The following TACC2 variants were observed in gnomAD, a reference collection of about 807,000 sequenced individuals.
TACC2 encodes transforming acidic coiled-coil containing protein 2, also known as transforming acidic coiled-coil-containing protein 2.
A neutral mutation model predicts 227.3 loss-of-function variants in TACC2; 137 were observed. That is an observed-to-expected ratio of 0.60 (90% CI 0.52 to 0.69). The LOEUF (loss-of-function observed/expected upper bound fraction) is 0.69, where lower values mean the gene tolerates loss of function less well. TACC2 is among the 30% of genes least tolerant of loss of function. TACC2 has a pLI of 0.00. For synonymous variants in TACC2, 1,523 were observed against 1,487.5 expected (o/e 1.02, Z -0.55); for missense variants, 3,470 against 3,694.4 (o/e 0.94, Z 1.57).
At chr10:122,009,437 G>A (rs1955652099) in intron 1 of TACC2, among the ~76,000 whole-genome samples, 1 of 152,152 alleles carries the variant, frequency 6.6e-6, no homozygotes, top group Non-Finnish European at 1.5e-5. Flanking sequence ...CTGGGAGGCA[G>A]AGGTTGCAGT....
Position 122,141,824 on chromosome 10 carries a change from G to C in TACC2, c.5700-1748G>C, listed in dbSNP as rs2090604280. Among the ~76,000 whole-genome samples the C allele has an allele frequency of 6.6e-6, 1 of 152,096 alleles. No homozygotes were observed. Among genetic ancestry groups the C allele is most frequent in the Non-Finnish European group, 1.5e-5 (1 of 68,026 alleles). Reference sequence around the variant, plus strand: ...AGTAAAATCTTGGTGGGATGTGTGTGGTGGAGGGGGGAGCACAGCAGTGTA... The same window carrying C: ...AGTAAAATCTTGGTGGGATGTGTGTCGTGGAGGGGGGAGCACAGCAGTGTA... On this transcript the variant is annotated intron_variant, in intron 6 of 22. Coordinates refer to ENST00000369005, the MANE Select transcript of TACC2 (RefSeq NM_206862.4). This position sits in a 1 kb window ranked among gnomAD's most constrained non-coding sequence, Gnocchi z 4.3.
intron 13 of TACC2, 28 bp from the exon 14 acceptor site, chr10:122,227,809 A>G (rs2095658120): frequency 2.5e-6 from 4 of 1,594,002 alleles, no homozygotes; most frequent in Non-Finnish European, 3.4e-6. Flanking sequence ...TGAGAAGACT[A>G]AAGAAAGATG....
At chr10:122,036,436 G>A (rs571176487) in intron 2 of TACC2, among the ~76,000 whole-genome samples, 14 of 150,252 alleles carry the variant, frequency 9.3e-5, no homozygotes, top group South Asian at 8.4e-4. Flanking sequence ...CTCGTGATCC[G>A]CCCACCTTGG....
intron 6 of TACC2, among the ~76,000 whole-genome samples, chr10:122,133,067 C>T (rs1311709673): frequency 2.0e-5 from 3 of 152,162 alleles, no homozygotes; most frequent in African/African-American, 4.8e-5. Context: ...GTAGAGAGAA[C>T]GTGCTACTTC....
chr10:122,028,556 A>G (rs568109113), intron 2 of TACC2, among the ~76,000 whole-genome samples: 6 of 152,218 alleles, frequency 3.9e-5, no homozygotes, highest in Non-Finnish European at 1.5e-5. Context: ...TGATTTTTGC[A>G]TGCTGATTTT....
intron 7 of TACC2, among the ~76,000 whole-genome samples, chr10:122,183,570 A>AGGGC (rs2140317505): frequency 6.6e-6 from 1 of 152,216 alleles, no homozygotes; most frequent in East Asian, 1.9e-4. Context: ...TATGAGCGAA[A>AGGGC]GGGCCAAAAG....
In TACC2 at chr10:122,250,911, C is replaced by CT. The variant is rs56383359; in HGVS notation, c.8781+1273dup. ...CATATTACAGATCATTATTTTCATT[C>CT]TTTTTTTTTTTTTTTTTTTTTTTTT... is the stretch of plus-strand genomic sequence containing the variant. On this transcript the variant is annotated intron_variant, in intron 22 of 22. Coordinates refer to ENST00000369005, the MANE Select transcript of TACC2 (RefSeq NM_206862.4). Among the ~76,000 whole-genome samples, 287 of 47,504 alleles carry CT rather than the reference C, an allele frequency of 6.0e-3. 24 individuals carry two copies. Among genetic ancestry groups the CT allele is most frequent in the African/African-American group, 0.02 (250 of 12,756 alleles). The allele number at this position is 47,504 out of a possible 152,430, so 31.2% of individuals were successfully genotyped here.
intron 2 of TACC2, among the ~76,000 whole-genome samples, chr10:122,025,264 A>T (rs952688045): frequency 1.3e-5 from 2 of 152,012 alleles, no homozygotes; most frequent in Non-Finnish European, 2.9e-5. Flanking sequence ...ATTATTATTC[A>T]TATATATATT....
At chr10:122,130,802 G>A (rs1352965273) in intron 5 of TACC2, among the ~76,000 whole-genome samples, 1 of 152,152 alleles carries the variant, frequency 6.6e-6, no homozygotes, top group East Asian at 1.9e-4. Context: ...ATCAAATACA[G>A]TGCCATCTAT....
intron 7 of TACC2, among the ~76,000 whole-genome samples, chr10:122,170,476 AT>A (rs2093416294): frequency 6.6e-6 from 1 of 151,074 alleles, no homozygotes; most frequent in Admixed American, 6.6e-5. Context: ...TTAATTTTGT[AT>A]TTTCAGTAGA....
chr10:122,216,818 A>G lies in TACC2; in HGVS notation c.7536A>G (p.Ser2512=). 1 of 1,614,014 alleles carries G rather than the reference A, an allele frequency of 6.2e-7. No individual in the cohort carries two copies. Among genetic ancestry groups the G allele is most frequent in the Non-Finnish European group, 8.5e-7 (1 of 1,179,992 alleles). ...STFVNETKFS[S]PTEELDYRNS... is the part of the protein sequence containing the mutation. ...TTGTAAACGAGACCAAATTCAGTTCACCCACTGAGGGTAAGCAACTCTGTA... is the reference window on the plus strand; with the variant it reads ...TTGTAAACGAGACCAAATTCAGTTCGCCCACTGAGGGTAAGCAACTCTGTA... Residue 2512 remains serine (S), a synonymous_variant, in exon 11 of 23, where the codon TCA becomes TCG. Coordinates refer to ENST00000369005, the MANE Select transcript of TACC2 (RefSeq NM_206862.4).
At position 122,086,755 on chromosome 10, in the gene TACC2, C is replaced by T; in HGVS notation, c.4255C>T (p.Pro1419Ser). 1 of 1,613,976 alleles carries T rather than the reference C, an allele frequency of 6.2e-7. No homozygotes were observed. The highest frequency in any genetic ancestry group is 8.5e-7 in the Non-Finnish European group (1 of 1,179,974). Residue 1419 changes from proline to serine, a missense_variant, in exon 4 of 23, where the codon CCT (proline) becomes TCT (serine). Physicochemically the swap from Pro to Ser is moderately conservative, Grantham distance 74. Transcript: ENST00000369005. ...GCACATCGCCAAGATCTTCGAGAAGCCTGTGCTCGGAGCCCTGGCCACACC... is the reference window on the plus strand; with the variant it reads ...GCACATCGCCAAGATCTTCGAGAAGTCTGTGCTCGGAGCCCTGGCCACACC... ...REHIAKIFEK[P>S]VLGALATPGE...
intron 7 of TACC2, among the ~76,000 whole-genome samples, chr10:122,149,006 C>G (rs1432357840): frequency 6.6e-6 from 1 of 152,248 alleles, no homozygotes; most frequent in Non-Finnish European, 1.5e-5. Flanking sequence ...GTGGGGTCAG[C>G]AGGTCACCCT....
At chr10:122,129,060 AATTATTATTATTATT>A in intron 5 of TACC2, among the ~76,000 whole-genome samples, 1 of 128,548 alleles carries the variant, frequency 7.8e-6, no homozygotes, top group African/African-American at 2.7e-5. Flanking sequence ...ATCTTATTTT[AATTATTATTATTATT>A]ATTATTATTA....
At chr10:122,019,389 G>T (rs1048638091) in intron 1 of TACC2, among the ~76,000 whole-genome samples, 1 of 152,228 alleles carries the variant, frequency 6.6e-6, no homozygotes, top group African/African-American at 2.4e-5. Context: ...GGTGCAAACA[G>T]GAAGCCCTGG....
intron 3 of TACC2, among the ~76,000 whole-genome samples, chr10:122,081,658 G>T (rs1296693585): frequency 1.3e-5 from 2 of 152,066 alleles, no homozygotes; most frequent in Non-Finnish European, 2.9e-5. Context: ...AAAATTCAGA[G>T]CCAAGTTCCC....
intron 8 of TACC2, among the ~76,000 whole-genome samples, chr10:122,208,211 T>C (rs1206314024): frequency 1.3e-5 from 2 of 152,170 alleles, no homozygotes; most frequent in African/African-American, 4.8e-5. Flanking sequence ...AGTGAGAGGC[T>C]TGAAACCAGG....
chr10:122,040,277 T>TC (rs568758919), intron 2 of TACC2, among the ~76,000 whole-genome samples: 168 of 152,258 alleles, frequency 1.1e-3, no homozygotes, highest in African/African-American at 3.9e-3. Flanking sequence ...CATCACCTGT[T>TC]CCCGGGAGTG....
chr10:122,228,865 A>T (rs1337519176), intron 14 of TACC2, among the ~76,000 whole-genome samples: 3 of 152,082 alleles, frequency 2.0e-5, no homozygotes, highest in Non-Finnish European at 4.4e-5. Context: ...GCCTTCTACA[A>T]AGCTGGCTTC....
Sources: allele counts gnomAD v4.1 joint callset (sites outside exome capture counted in the v4.1 genomes callset), GRCh38; gene constraint gnomAD v4.1.1; non-coding constraint Gnocchi (gnomAD v3.1); transcripts MANE v1.5; gene names NCBI Gene and HGNC (gene_info 2026-07-23, HGNC 2026-07-21).